The following DNHD1 variants were observed in gnomAD, a reference collection of about 807,000 sequenced individuals.
DNHD1 encodes the protein dynein heavy chain domain-containing protein 1.
Under a neutral mutation model 458.1 loss-of-function variants are expected in DNHD1, and 383 were observed. The ratio of observed to expected loss-of-function variants is 0.84; its 90% CI spans 0.77 to 0.91. The LOEUF (loss-of-function observed/expected upper bound fraction) is 0.91, where lower values mean the gene tolerates loss of function less well. Among genes scored for constraint, DNHD1 ranks in the 40% least tolerant of loss-of-function variants. The pLI is 0.00. For synonymous variants in DNHD1, 2,203 were observed against 2,376.9 expected (o/e 0.93, Z 2.13); for missense variants, 5,336 against 5,866.1 (o/e 0.91, Z 2.95).
intron 13 of DNHD1, 65 bp downstream of exon 13, chr11:6,533,249 A>C: frequency 6.7e-7 from 1 of 1,488,146 alleles, no homozygotes; most frequent in East Asian, 2.5e-5. Context: ...AGCTCAGCAC[A>C]CTCTCTTCAG....
chr11:6,546,532 C>T lies in DNHD1; in HGVS notation c.5593C>T (p.Leu1865=), dbSNP rs1485929147. Residue 1865 remains leucine, a synonymous_variant, in exon 21 of 43, where the codon CTG becomes TTG. Transcript: ENST00000254579. ...CAAATTCTTCTCTCTAGAGCGTGAGCTGGTGTCTGGGCCCCTGCCCTGCCG... is the reference window on the plus strand; with the variant it reads ...CAAATTCTTCTCTCTAGAGCGTGAGTTGGTGTCTGGGCCCCTGCCCTGCCG... The part of the protein sequence containing the change: ...LSKFFSLERE[L]VSGPLPCRLP... 1.3e-6 allele frequency: 2 copies of T among 1,551,428 alleles called. No homozygotes were observed. The highest frequency in any genetic ancestry group is 1.7e-4 in the Middle Eastern group (1 of 5,992).
At position 6,544,689 on chromosome 11, in the gene DNHD1, G is replaced by A. The variant is rs888671063; in HGVS notation, c.3852+18G>A. On this transcript the variant is annotated intron_variant, in intron 20 of 42. Coordinates refer to ENST00000254579, the MANE Select transcript of DNHD1 (RefSeq NM_144666.3). ...CTGACCTGGTAGGGAAGGGGGTTGA[G>A]GCAGAGAGGGCAAGAAGGGTTCCTG... is the stretch of plus-strand genomic sequence containing the variant. 1 of 1,549,196 alleles carries A rather than the reference G, an allele frequency of 6.5e-7. No individual in the cohort carries two copies. The highest frequency in any genetic ancestry group is 8.7e-7 in the Non-Finnish European group (1 of 1,145,060).
chr11:6,516,319 G>A (rs1008674724), intron 7 of DNHD1, among the ~76,000 whole-genome samples: 16 of 141,798 alleles, frequency 1.1e-4, no homozygotes, highest in Non-Finnish European at 1.8e-4. Context: ...TTGAGATGGA[G>A]TTTCATTCTT....
chr11:6,541,893 T>C (rs930819365), intron 18 of DNHD1, among the ~76,000 whole-genome samples: 1 of 152,166 alleles, frequency 6.6e-6, no homozygotes, highest in African/African-American at 2.4e-5. Flanking sequence ...GTGGGTGCAC[T>C]CAAGCTAGGC....
chr11:6,566,330 C>CGGG lies in DNHD1; in HGVS notation c.11143_11144insGGG (p.Gln3715delinsArgGlu). 1 of 1,553,588 alleles carries CGGG rather than the reference C, an allele frequency of 6.4e-7. No homozygotes were observed. The highest frequency in any genetic ancestry group is 1.4e-5 in the African/African-American group (1 of 73,220). On this transcript the variant is annotated protein_altering_variant, in exon 34 of 43. Coordinates refer to ENST00000254579, the MANE Select transcript of DNHD1 (RefSeq NM_144666.3). ...GCAACGGGAGCAGCTGAGTCCACCC[C>CGGG]AGGTGCAGCCTGGCTTCTGTCTGTA...
chr11:6,548,095 T>C lies in DNHD1; in HGVS notation c.6905+55T>C, dbSNP rs1166183997. 6.5e-7 allele frequency: 1 copy of C among 1,549,706 alleles called. No homozygotes were observed. The highest frequency in any genetic ancestry group is 8.7e-7 in the Non-Finnish European group (1 of 1,145,372). The stretch of plus-strand genomic sequence containing the variant: ...CAGAGGGCTGAGATGGACTGGCCCA[T>C]GGAAGTAAAAACCCACATGACATCA... On this transcript the variant is annotated intron_variant, in intron 22 of 42. Coordinates refer to ENST00000254579, the MANE Select transcript of DNHD1 (RefSeq NM_144666.3). The surrounding 1 kb of genome is among the most constrained non-coding windows in gnomAD (Gnocchi z 4.4).
intron 31 of DNHD1, 91 bp downstream of exon 31, chr11:6,564,215 C>G: frequency 6.8e-7 from 1 of 1,464,190 alleles, no homozygotes; most frequent in Non-Finnish European, 9.2e-7. Flanking sequence ...CCCTCTGTCC[C>G]TCTCTGCACT....
At chr11:6,534,943 C>T (rs1852913610) in intron 14 of DNHD1, among the ~76,000 whole-genome samples, 1 of 152,218 alleles carries the variant, frequency 6.6e-6, no homozygotes, top group Non-Finnish European at 1.5e-5. Flanking sequence ...GATGAGGACT[C>T]ACTTTGTTGC....
In DNHD1 at chr11:6,559,073, A is replaced by G. The variant is rs978889560; in HGVS notation, c.9383A>G (p.Gln3128Arg). The change falls in exon 27 of 43, where the codon CAG becomes CGG. Residue 3128 changes from glutamine to arginine, a missense_variant. Physicochemically the swap from Gln to Arg is conservative, Grantham distance 43 (BLOSUM62 1). Coordinates refer to ENST00000254579, the MANE Select transcript of DNHD1 (RefSeq NM_144666.3). ...FLDTFLMLQQ[Q>R]TILKIKNKAQ... ...GACACTTTCCTGATGCTGCAGCAAC[A>G]GACAATCCTGAAGATTAAGAACAAG... 7.7e-6 allele frequency: 12 copies of G among 1,551,716 alleles called. No homozygotes were observed. The highest frequency in any genetic ancestry group is 9.6e-6 in the Non-Finnish European group (11 of 1,146,996).
rs897839530 is a variant in DNHD1 at position 6,505,706 on chromosome 11, G to T, written c.920+2780G>T. The stretch of plus-strand genomic sequence containing the variant: ...TAGCCTCTAATATAGGATCTTCTTT[G>T]GTTTGGTAATGTCCTTGGCCTAAAA... On this transcript the variant is annotated intron_variant, in intron 4 of 42. Transcript: ENST00000254579. The surrounding 1 kb of genome is among the most constrained non-coding windows in gnomAD (Gnocchi z 4.4). Among the ~76,000 whole-genome samples, 4 of 152,158 alleles carry T rather than the reference G, an allele frequency of 2.6e-5. No homozygotes were observed. Among genetic ancestry groups the T allele is most frequent in the African/African-American group, 9.7e-5 (4 of 41,440 alleles).
chr11:6,563,750 CT>C lies in DNHD1; in HGVS notation c.9911del (p.Leu3304GlnfsTer3). ...ITDSELIKLH[L>X]ILKAPGMDDA... ...AGACTCAGAGCTGATAAAGTTACAT[CT>C]AATTCTGAAGGCTCCAGGTATGGAC... On this transcript the variant is annotated frameshift_variant, in exon 31 of 43. Transcript: ENST00000254579. LOFTEE classifies it high-confidence loss of function. The C allele has an allele frequency of 6.4e-7, 1 of 1,551,050 alleles. No homozygotes were observed. Among genetic ancestry groups the C allele is most frequent in the Non-Finnish European group, 8.7e-7 (1 of 1,146,744 alleles).
intron 18 of DNHD1, among the ~76,000 whole-genome samples, chr11:6,541,321 T>TG (rs1853094972): frequency 6.6e-6 from 1 of 152,234 alleles, no homozygotes; most frequent in Non-Finnish European, 1.5e-5. Context: ...CCCCCACCAA[T>TG]GTGTCAGTGG....
Position 6,498,740 on chromosome 11 carries a change from G to A in DNHD1, c.525G>A (p.Gln175=). Residue 175 remains glutamine (Q), a synonymous_variant, in exon 3 of 43, where the codon CAG becomes CAA. Transcript: ENST00000254579. ...TTGTGCAGGCCCAGTGGAGCAGGCA[G>A]CAAGTAAAGGAGGAGCTGGCCACCT... The part of the protein sequence containing the change: ...CPFVQAQWSR[Q]QVKEELATWL... 1 of 1,614,182 alleles carries A rather than the reference G, an allele frequency of 6.2e-7. No homozygotes were observed. The highest frequency in any genetic ancestry group is 2.2e-5 in the East Asian group (1 of 44,884).
At chr11:6,539,826 G>A in intron 17 of DNHD1, 50 bp from the exon 18 acceptor site, 1 of 1,521,190 alleles carries the variant, frequency 6.6e-7, no homozygotes, top group Non-Finnish European at 8.9e-7. Context: ...CTCCAAGCCT[G>A]TCCCCGAAGC....
chr11:6,502,721 T>C, intron 3 of DNHD1, 32 bp from the exon 4 acceptor site: 1 of 1,545,864 alleles, frequency 6.5e-7, no homozygotes, highest in Non-Finnish European at 8.7e-7. Flanking sequence ...CTTTTTACTC[T>C]GCCTTTTCTC....
chr11:6,551,334 T>C (rs559338973), intron 24 of DNHD1, among the ~76,000 whole-genome samples: 22 of 152,336 alleles, frequency 1.4e-4, no homozygotes, highest in Middle Eastern at 6.8e-3. Context: ...CTAAAGGTTA[T>C]AGCTTTAAAT....
chr11:6,506,580 A>G (rs1312666341), intron 4 of DNHD1, among the ~76,000 whole-genome samples: 1 of 152,068 alleles, frequency 6.6e-6, no homozygotes, highest in Non-Finnish European at 1.5e-5. Flanking sequence ...ATGTGTTTGA[A>G]TTTATCAAAA....
intron 3 of DNHD1, among the ~76,000 whole-genome samples, chr11:6,501,917 A>G (rs916880295): frequency 3.3e-5 from 5 of 152,216 alleles, no homozygotes; most frequent in Admixed American, 2.0e-4. Flanking sequence ...TATAAACCAT[A>G]TTGTTGATAT....
At position 6,557,855 on chromosome 11, in the gene DNHD1, G is replaced by A. The variant is rs1283960294; in HGVS notation, c.8560G>A (p.Ala2854Thr). The part of the protein sequence containing the change: ...KLEEQLATSA[A>T]QLKLSPHLAR... ...AGAGGAGCAGTTGGCCACCTCAGCT[G>A]CTCAACTGAAGTTGAGCCCCCACCT... Residue 2854 changes from alanine (A) to threonine (T), a missense_variant, in exon 25 of 43, where the codon GCT (alanine) becomes ACT (threonine). Ala to Thr is a moderately conservative substitution (Grantham distance 58). Coordinates refer to ENST00000254579, the MANE Select transcript of DNHD1 (RefSeq NM_144666.3). 24 of 1,550,892 alleles carry A rather than the reference G, an allele frequency of 1.5e-5. No individual in the cohort carries two copies. The East Asian group carries it at 5.9e-4, about 38-fold the overall frequency.
Sources: gnomAD v4.1 joint callset for allele counts (sites outside exome capture counted in the v4.1 genomes callset) on GRCh38, gnomAD v4.1.1 for gene constraint, Gnocchi (gnomAD v3.1) non-coding constraint, MANE v1.5 for transcripts, NCBI Gene and HGNC (gene_info 2026-07-23, HGNC 2026-07-21) for gene names.